SOS2: variants seen among roughly 807,000 people sequenced by gnomAD.
The protein encoded by SOS2 is son of sevenless homolog 2.
A neutral mutation model predicts 148.2 loss-of-function variants in SOS2; 65 were observed. That is an observed-to-expected ratio of 0.44 (90% confidence interval 0.36 to 0.54). The LOEUF (loss-of-function observed/expected upper bound fraction) is 0.54, where lower values mean the gene tolerates loss of function less well. Ranked by LOEUF, SOS2 falls within the 20% of genes least tolerant of loss-of-function variation. SOS2 has a pLI of 0.00. For missense variants in SOS2, 1,341 were observed against 1,590.2 expected (o/e 0.84, Z 2.67); for synonymous variants, 539 against 537.1 (o/e 1.00, Z -0.05).
In SOS2 at chr14:50,133,980, C is replaced by CG. The variant is rs147458500; in HGVS notation, c.3075+142_3075+143insC. ...ATCAAAAGGCTGACATTTCCCCCCC[C>CG]AGTTTTAGAAATAGTATATTACTGC... On this transcript the variant is annotated intron_variant, in intron 19 of 22. Transcript: ENST00000216373. The CG allele has an allele frequency of 4.7e-6, 3 of 636,882 alleles. No individual in the cohort carries two copies. The African/African-American group carries it at 5.6e-5, about 12-fold the overall frequency. The allele number at this position is 636,882 out of a possible 1,614,324, so 39.5% of individuals were successfully genotyped here. A position where few individuals can be genotyped will look rare whatever the true frequency, so the allele number is the denominator to read the frequency against.
chr14:50,135,854 A>T (rs1884061933), intron 18 of SOS2, among the ~76,000 whole-genome samples: 1 of 144,378 alleles, frequency 6.9e-6, no homozygotes, highest in Non-Finnish European at 1.5e-5. Context: ...TTTTGCTATT[A>T]TAATAATTAT....
chr14:50,217,787 T>C (rs1332244555), intron 1 of SOS2, among the ~76,000 whole-genome samples: 1 of 152,022 alleles, frequency 6.6e-6, no homozygotes, highest in Non-Finnish European at 1.5e-5. Context: ...AAACCCCGTC[T>C]GTACTAAAAA....
chr14:50,228,367 G>C (rs1175142765), intron 1 of SOS2, among the ~76,000 whole-genome samples: 1 of 152,016 alleles, frequency 6.6e-6, no homozygotes, highest in Non-Finnish European at 1.5e-5. Context: ...TTTAGCCAGA[G>C]GAAAATATAA....
At position 50,120,383 on chromosome 14, in the gene SOS2, C is replaced by T. The variant is rs1594952543; in HGVS notation, c.3381G>A (p.Lys1127=). The T allele has an allele frequency of 6.8e-7, 1 of 1,472,058 alleles. No individual in the cohort carries two copies. Among genetic ancestry groups the T allele is most frequent in the East Asian group, 2.3e-5 (1 of 44,002 alleles). 91.2% of individuals were successfully genotyped at this position (1,472,058 alleles called of 1,614,324 possible). A position where few individuals can be genotyped will look rare whatever the true frequency, so the allele number is the denominator to read the frequency against. The stretch of plus-strand genomic sequence containing the variant: ...AACTACCACATGAACTAAAGAAAGA[C>T]TCTGGGGGAGAAAAAGACTAGTTTA... ...IFAPVLLPHS[K]SFFSSCGSLH... Residue 1127 remains lysine (K), a splice_region_variant and synonymous_variant, in exon 22 of 23, where the codon AAG becomes AAA. Transcript: ENST00000216373.
At chr14:50,124,191 T>C (rs760118756) in intron 21 of SOS2, among the ~76,000 whole-genome samples, 16 of 152,176 alleles carry the variant, frequency 1.1e-4, no homozygotes, top group Admixed American at 5.9e-4. Flanking sequence ...ATTATCATCA[T>C]GTAAACGATA....
intron 5 of SOS2, among the ~76,000 whole-genome samples, chr14:50,185,032 T>C (rs1885862857): frequency 6.6e-6 from 1 of 152,130 alleles, no homozygotes; most frequent in Non-Finnish European, 1.5e-5. Flanking sequence ...GCCCTGTCCA[T>C]CTCTTCATCT....
At chr14:50,227,097 A>G (rs1488866706) in intron 1 of SOS2, among the ~76,000 whole-genome samples, 1 of 152,160 alleles carries the variant, frequency 6.6e-6, no homozygotes, top group Admixed American at 6.5e-5. Context: ...TCTGCTTTGT[A>G]GCTCTCTGTT....
chr14:50,145,191 G>A lies in SOS2; in HGVS notation c.2646C>T (p.Tyr882=), dbSNP rs761205651. Reference sequence around the variant, plus strand: ...TTACCTCAAAGGTATGGTCTAGTCTGTATACTGACACTGAATTTACTGCAC... The same window carrying A: ...TTACCTCAAAGGTATGGTCTAGTCTATATACTGACACTGAATTTACTGCAC... ...IVSAVNSVSV[Y]RLDHTFEALQ... The change falls in exon 16 of 23, where the codon TAC becomes TAT. Residue 882 remains tyrosine (Y), a synonymous_variant. Transcript: ENST00000216373. 5 of 1,608,798 alleles carry A rather than the reference G, an allele frequency of 3.1e-6. No individual in the cohort carries two copies. In the Admixed American group the frequency reaches 8.4e-5, roughly 27 times the overall value.
chr14:50,118,910 T>C, intron 22 of SOS2, 57 bp from the exon 23 acceptor site: 2 of 1,034,826 alleles, frequency 1.9e-6, no homozygotes, highest in Non-Finnish European at 2.6e-6. Context: ...AAAAAAAAAA[T>C]TTTTAAGTCT....
At chr14:50,227,243 C>CTTTT (rs374477701) in intron 1 of SOS2, among the ~76,000 whole-genome samples, 4,278 of 112,338 alleles carry the variant, frequency 0.038, 264 homozygotes, top group African/African-American at 0.051. Context: ...TTCTTTCTTT[C>CTTTT]TTTCTTTTTT....
chr14:50,178,183 G>C (rs1458518492), intron 7 of SOS2, among the ~76,000 whole-genome samples: 2 of 152,202 alleles, frequency 1.3e-5, no homozygotes, highest in Non-Finnish European at 2.9e-5. Flanking sequence ...CAATTTTGGA[G>C]GTGGGGCCTA....
chr14:50,128,528 C>T (rs1883757968), intron 21 of SOS2, among the ~76,000 whole-genome samples: 1 of 152,028 alleles, frequency 6.6e-6, no homozygotes, highest in African/African-American at 2.4e-5. Flanking sequence ...TAATATTTGC[C>T]CCAAATGTGG....
intron 1 of SOS2, among the ~76,000 whole-genome samples, chr14:50,207,208 G>C (rs1886689544): frequency 6.6e-6 from 1 of 152,048 alleles, no homozygotes; most frequent in Admixed American, 6.6e-5. Flanking sequence ...CAAAAAGAAA[G>C]ATGAAAATTA....
At chr14:50,189,856 T>TTA (rs1886069278) in intron 4 of SOS2, among the ~76,000 whole-genome samples, 1 of 133,352 alleles carries the variant, frequency 7.5e-6, no homozygotes, top group South Asian at 2.3e-4. Context: ...TTTTATTTTT[T>TTA]TTTTTTTTGT....
At chr14:50,142,606 T>C (rs999115151) in intron 16 of SOS2, among the ~76,000 whole-genome samples, 8 of 152,226 alleles carry the variant, frequency 5.3e-5, no homozygotes, top group African/African-American at 1.9e-4. Flanking sequence ...TGCTGAAATA[T>C]CACAAATGTT....
At chr14:50,173,719 C>G (rs978950921) in intron 8 of SOS2, among the ~76,000 whole-genome samples, 2 of 152,180 alleles carry the variant, frequency 1.3e-5, no homozygotes, top group Non-Finnish European at 2.9e-5. Flanking sequence ...CCGCGCCCGG[C>G]AGTAGTCAGC....
intron 1 of SOS2, among the ~76,000 whole-genome samples, chr14:50,222,318 A>T (rs946479808): frequency 1.3e-5 from 2 of 152,132 alleles, no homozygotes; most frequent in African/African-American, 2.4e-5. Context: ...AAGTTAGAAA[A>T]CTCCTAATTT....
intron 7 of SOS2, among the ~76,000 whole-genome samples, chr14:50,177,620 T>TA (rs1391281921): frequency 6.6e-6 from 1 of 152,188 alleles, no homozygotes; most frequent in Non-Finnish European, 1.5e-5. Flanking sequence ...AAAGTTCTTA[T>TA]AGACTGTGTA....
intron 7 of SOS2, among the ~76,000 whole-genome samples, chr14:50,174,914 C>T (rs1885474312): frequency 6.6e-6 from 1 of 152,136 alleles, no homozygotes; most frequent in Non-Finnish European, 1.5e-5. Context: ...AGATGCATTT[C>T]AGGGAATGCT....
Sources: gnomAD v4.1 joint callset for allele counts (sites outside exome capture counted in the v4.1 genomes callset) on GRCh38, gnomAD v4.1.1 for gene constraint, MANE v1.5 for transcripts, NCBI Gene and HGNC (gene_info 2026-07-23, HGNC 2026-07-21) for gene names.